Variants in ZKSCAN7 observed in about 807,000 individuals in gnomAD.
ZKSCAN7 encodes zinc finger protein with KRAB and SCAN domains 7.
ZKSCAN7 carries 38 observed loss-of-function variants against 65.3 expected under a neutral mutation model. The ratio of observed to expected loss-of-function variants is 0.58; its 90% CI spans 0.45 to 0.76. The LOEUF is 0.76. ZKSCAN7 is among the 30% of genes least tolerant of loss of function. The pLI, the probability that ZKSCAN7 is intolerant of heterozygous loss-of-function variation, is 0.00. For synonymous variants in ZKSCAN7, 321 were observed against 321.0 expected (o/e 1.00, Z 0.00); for missense variants, 815 against 913.3 (o/e 0.89, Z 1.39).
downstream of ZKSCAN7, among the ~76,000 whole-genome samples, chr3:44,572,607 T>C (rs576896125): frequency 1.3e-5 from 2 of 152,032 alleles, no homozygotes; most frequent in East Asian, 1.9e-4. Flanking sequence ...CCCAGGACTT[T>C]GGGAGGCTGA....
At chr3:44,580,531 T>G in intron 5 of ZKSCAN7, 1 of 1,613,140 alleles carries the variant, frequency 6.2e-7, no homozygotes, top group African/African-American at 1.3e-5. Flanking sequence ...TCCTGCGGTG[T>G]GGGGGGCTCC....
At chr3:44,562,998 C>A (rs193220112) in intron 2 of ZKSCAN7, among the ~76,000 whole-genome samples, 1 of 151,818 alleles carries the variant, frequency 6.6e-6, no homozygotes, top group East Asian at 1.9e-4. Context: ...AAGGAAATTT[C>A]TTCTACTAGA....
At chr3:44,556,653 G>A (rs1443898127) in intron 1 of ZKSCAN7, among the ~76,000 whole-genome samples, 2 of 152,214 alleles carry the variant, frequency 1.3e-5, no homozygotes. Context: ...TCTAGCATGG[G>A]TACTTGGGGT....
chr3:44,579,975 T>TG (rs148839493), intron 5 of ZKSCAN7: 482,672 of 1,369,140 alleles, frequency 0.35, 74,779 homozygotes, highest in East Asian at 0.73. Flanking sequence ...GAGAGGAGCT[T>TG]GGGGGGGGGC....
Position 44,565,495 on chromosome 3 carries a change from C to G in ZKSCAN7, c.432C>G (p.Ala144=). 1 of 1,607,108 alleles carries G rather than the reference C, an allele frequency of 6.2e-7. No homozygotes were observed. The highest frequency in any genetic ancestry group is 8.5e-7 in the Non-Finnish European group (1 of 1,176,944). ...RHLSGSEEVS[A]PAQKQEMHFE... Reference sequence around the variant, plus strand: ...TATTTCCCTCTCTCTAGGTTTCAGCCCCAGCACAGAAACAGGAAATGCATT... The same window carrying G: ...TATTTCCCTCTCTCTAGGTTTCAGCGCCAGCACAGAAACAGGAAATGCATT... Residue 144 remains alanine, a synonymous_variant, in exon 3 of 6, where the codon GCC becomes GCG. Coordinates refer to ENST00000426540, the MANE Select transcript of ZKSCAN7 (RefSeq NM_001288590.2).
At position 44,578,432 on chromosome 3, in the gene ZKSCAN7, C is replaced by T. The variant is rs189261759; in HGVS notation, c.812-4540C>T. ...CAACCGTGTGATCTCTGCAGCCAGG[C>T]GGTTGTTCAGCTCCTGGTTGTGGGC... On this transcript the variant is annotated intron_variant, in intron 5 of 5. Transcript: ENST00000341840. 279 of 1,614,152 alleles carry T rather than the reference C, an allele frequency of 1.7e-4. 2 individuals carry two copies. The highest frequency in any genetic ancestry group is 7.9e-4 in the South Asian group (72 of 91,076).
At chr3:44,567,070 C>T (rs1352306583) in intron 3 of ZKSCAN7, among the ~76,000 whole-genome samples, 1 of 151,218 alleles carries the variant, frequency 6.6e-6, no homozygotes, top group African/African-American at 2.4e-5. Context: ...GAGGCATGAT[C>T]ATGCCACTGC....
rs922358010 is a variant in ZKSCAN7, at chr3:44,580,947, T to C, written c.812-2025T>C. The C allele has an allele frequency of 9.3e-6, 15 of 1,612,408 alleles. No homozygotes were observed. The African/African-American group carries it at 1.3e-4, about 14-fold the overall frequency. On this transcript the variant is annotated intron_variant, in intron 5 of 5. Coordinates refer to the ZKSCAN7 transcript ENST00000341840. ...GTTGAGGAGATGCGACTCGCGGGGCTGGAAGCAGTTCTGACACTTGCTCTT... is the reference window on the plus strand; with the variant it reads ...GTTGAGGAGATGCGACTCGCGGGGCCGGAAGCAGTTCTGACACTTGCTCTT...
chr3:44,568,387 G>A lies in ZKSCAN7; in HGVS notation c.765G>A (p.Leu255=). 6.2e-7 allele frequency: 1 copy of A among 1,614,160 alleles called. No individual in the cohort carries two copies. Among genetic ancestry groups the A allele is most frequent in the Non-Finnish European group, 8.5e-7 (1 of 1,180,010 alleles). The change falls in exon 5 of 6, where the codon CTG becomes CTA. Residue 255 remains leucine, a synonymous_variant. Coordinates refer to ENST00000426540, the MANE Select transcript of ZKSCAN7 (RefSeq NM_001288590.2). ...WKSLTLSQRA[L]QWNMMPENHH... is the part of the protein sequence containing the mutation. The stretch of plus-strand genomic sequence containing the variant: ...GTCTCACACTCAGTCAGAGAGCCCT[G>A]CAGTGGAACATGATGCCAGAAAATC...
At position 44,571,680 on chromosome 3, in the gene ZKSCAN7, T is replaced by C; in HGVS notation, c.*305T>C. 8.3e-7 allele frequency: 1 copy of C among 1,200,970 alleles called. No homozygotes were observed. The highest frequency in any genetic ancestry group is 1.6e-5 in the African/African-American group (1 of 64,212). The allele number at this position is 1,200,970 out of a possible 1,614,324, so 74.4% of individuals were successfully genotyped here. A position where few individuals can be genotyped will look rare whatever the true frequency, so the allele number is the denominator to read the frequency against. ...ATCTCATAATCAGACTCCATGCTTTTTAAAGACAGAGATAATATCTTCTCT... is the reference window on the plus strand; with the variant it reads ...ATCTCATAATCAGACTCCATGCTTTCTAAAGACAGAGATAATATCTTCTCT... On this transcript the variant is annotated 3_prime_UTR_variant, in exon 6 of 6. Coordinates refer to ENST00000426540, the MANE Select transcript of ZKSCAN7 (RefSeq NM_001288590.2).
intron 2 of ZKSCAN7, among the ~76,000 whole-genome samples, chr3:44,559,891 A>G (rs762088482): frequency 3.9e-5 from 6 of 152,354 alleles, no homozygotes; most frequent in Non-Finnish European, 7.3e-5. Context: ...GAGTAAATCA[A>G]CCATCACAAG....
chr3:44,572,344 TTTTGTG>T (rs1167977863), downstream of ZKSCAN7, among the ~76,000 whole-genome samples: 4 of 102,766 alleles, frequency 3.9e-5, no homozygotes, highest in Non-Finnish European at 3.9e-5. Context: ...TGCGAATGGA[TTTTGTG>T]TGTGTGTGTG....
chr3:44,581,089 G>A, intron 5 of ZKSCAN7: 5 of 1,035,468 alleles, frequency 4.8e-6, no homozygotes, highest in South Asian at 4.3e-5. Context: ...CGGGCTAGGG[G>A]CTCAGCGCGG....
downstream of ZKSCAN7, among the ~76,000 whole-genome samples, chr3:44,576,389 C>T (rs2125731739): frequency 6.6e-6 from 1 of 152,216 alleles, no homozygotes; most frequent in Non-Finnish European, 1.5e-5. Context: ...GATGCGGAAC[C>T]CAAGAATACA....
intron 5 of ZKSCAN7, among the ~76,000 whole-genome samples, chr3:44,581,510 TTCA>T (rs1414409770): frequency 6.6e-6 from 1 of 152,218 alleles, no homozygotes; most frequent in Non-Finnish European, 1.5e-5. Flanking sequence ...CAAGGAATCA[TTCA>T]TCATGAGCTT....
At chr3:44,581,275 CG>C (rs1700080814) in intron 5 of ZKSCAN7, among the ~76,000 whole-genome samples, 1 of 149,260 alleles carries the variant, frequency 6.7e-6, no homozygotes, top group Non-Finnish European at 1.5e-5. Context: ...GACGCGGCCT[CG>C]GGCCCGCTGC....
chr3:44,570,371 A>G lies in ZKSCAN7; in HGVS notation c.1261A>G (p.Arg421Gly), dbSNP rs2125724047. The G allele has an allele frequency of 6.2e-7, 1 of 1,613,926 alleles. No individual in the cohort carries two copies. The highest frequency in any genetic ancestry group is 2.2e-5 in the East Asian group (1 of 44,848). Residue 421 changes from arginine to glycine, a missense_variant, in exon 6 of 6, where the codon AGG becomes GGG. Arg to Gly is a moderately radical substitution (Grantham distance 125, BLOSUM62 -2). Transcript: ENST00000426540. ...GTGTAATGAGTGTGGGAAGACCTTCAGGCAAACCTCCCAGCTCATTGTTCA... is the reference window on the plus strand; with the variant it reads ...GTGTAATGAGTGTGGGAAGACCTTCGGGCAAACCTCCCAGCTCATTGTTCA... Reference protein sequence around the residue: ...YECNECGKTFRQTSQLIVHLR... With the variant: ...YECNECGKTFGQTSQLIVHLR...
rs1432444426 is a variant in ZKSCAN7 at position 44,569,976 on chromosome 3, A to G, written c.866A>G (p.Lys289Arg). The G allele has an allele frequency of 6.3e-7, 1 of 1,576,984 alleles. No homozygotes were observed. The highest frequency in any genetic ancestry group is 2.2e-5 in the East Asian group (1 of 44,564). The change falls in exon 6 of 6, where the codon AAA becomes AGA. Residue 289 changes from lysine (K) to arginine (R), a missense_variant. Physicochemically the swap from Lys to Arg is conservative, Grantham distance 26. Transcript: ENST00000426540. ...SELTPKQEFF[K>R]GSESSNRTSG... The stretch of plus-strand genomic sequence containing the variant: ...TTGACTCCAAAGCAGGAATTTTTTA[A>G]AGGATCAGAGTCATCTAACAGGACA...
intron 5 of ZKSCAN7, chr3:44,580,586 G>C (rs1278993587): frequency 1.9e-6 from 3 of 1,613,782 alleles, no homozygotes; most frequent in Non-Finnish European, 2.5e-6. Flanking sequence ...TCCGGGGATA[G>C]ACCATGAGCA....
Sources: allele counts gnomAD v4.1 joint callset (sites outside exome capture counted in the v4.1 genomes callset), GRCh38; gene constraint gnomAD v4.1.1; transcripts MANE v1.5; gene names NCBI Gene and HGNC (gene_info 2026-07-23, HGNC 2026-07-21).